Variants in ABCA12 observed in about 807,000 individuals in gnomAD.
The protein encoded by ABCA12 is glucosylceramide transporter ABCA12.
A neutral mutation model predicts 293.5 loss-of-function variants in ABCA12; 156 were observed. The observed-to-expected ratio is 0.53, with a 90% CI of 0.47 to 0.61. The LOEUF (loss-of-function observed/expected upper bound fraction) is 0.61. Among genes scored for constraint, ABCA12 ranks in the 20% least tolerant of loss-of-function variants. ABCA12 has a pLI of 0.00. For synonymous variants in ABCA12, 1,063 were observed against 1,108.0 expected, an observed-to-expected ratio of 0.96 and a Z score of 0.81; for missense variants, 2,797 against 3,090.2, an observed-to-expected ratio of 0.91 and a Z score of 2.25.
rs1339382022 is a variant in ABCA12 at position 214,998,350 on chromosome 2, G to T, written c.3180-541C>A. Among the ~76,000 whole-genome samples, 4 of 152,262 alleles carry T rather than the reference G, an allele frequency of 2.6e-5. No homozygotes were observed. In the East Asian group the frequency reaches 7.7e-4, roughly 29 times the overall value. ...TTGTTTGTTTTTTAGTAGAGATGGG[G>T]TTTCACCATGCTGGCCAGGCTGGTC... is the stretch of plus-strand genomic sequence containing the variant. On this transcript the variant is annotated intron_variant, in intron 22 of 52. Coordinates refer to ENST00000272895, the MANE Select transcript of ABCA12 (RefSeq NM_173076.3).
intron 2 of ABCA12, among the ~76,000 whole-genome samples, chr2:215,067,079 T>G (rs973739285): frequency 1.3e-5 from 2 of 152,100 alleles, no homozygotes; most frequent in Admixed American, 1.3e-4. Context: ...AAAAATGATA[T>G]TTTTTCCATT....
chr2:215,058,896 T>C (rs1701474086), intron 3 of ABCA12, among the ~76,000 whole-genome samples: 3 of 152,058 alleles, frequency 2.0e-5, no homozygotes, highest in Admixed American at 2.0e-4. Flanking sequence ...TGTCTACCAA[T>C]AGTTACGTTC....
At chr2:214,982,128 T>A in intron 30 of ABCA12, 59 bp downstream of exon 30, 1 of 1,586,676 alleles carries the variant, frequency 6.3e-7, no homozygotes, top group African/African-American at 1.3e-5. Context: ...TGCTTTTGTA[T>A]ATGCCAGAGG....
intron 1 of ABCA12, among the ~76,000 whole-genome samples, chr2:215,112,486 G>GT (rs112479616): frequency 1.9e-4 from 20 of 107,586 alleles, no homozygotes; most frequent in African/African-American, 7.9e-4. Flanking sequence ...GGTTTTTTTT[G>GT]TTTTTTTTTT....
At chr2:214,943,945 A>T (rs1389221493) in intron 49 of ABCA12, among the ~76,000 whole-genome samples, 1 of 152,234 alleles carries the variant, frequency 6.6e-6, no homozygotes, top group Non-Finnish European at 1.5e-5. Context: ...TATAATGCAA[A>T]CATAAACTTA....
intron 18 of ABCA12, among the ~76,000 whole-genome samples, chr2:215,008,382 A>T (rs531901927): frequency 6.6e-6 from 1 of 152,140 alleles, no homozygotes; most frequent in African/African-American, 2.4e-5. Flanking sequence ...TACATTGTTT[A>T]TATTAGCAAG....
intron 1 of ABCA12, among the ~76,000 whole-genome samples, chr2:215,131,294 G>T (rs2177420): frequency 0.041 from 6,246 of 151,868 alleles, 172 homozygotes; most frequent in African/African-American, 0.059. Context: ...TTTTGGAATA[G>T]TTTCACCAAG....
intron 8 of ABCA12, 80 bp from the exon 9 acceptor site, chr2:215,031,976 G>C (rs754420308): frequency 6.2e-7 from 1 of 1,601,168 alleles, no homozygotes; most frequent in African/African-American, 1.3e-5. Flanking sequence ...ACCATCCCAG[G>C]TCAAATTAAT....
At chr2:214,990,200 A>C (rs1699881834) in intron 24 of ABCA12, among the ~76,000 whole-genome samples, 1 of 152,230 alleles carries the variant, frequency 6.6e-6, no homozygotes, top group Non-Finnish European at 1.5e-5. Flanking sequence ...AATTTCAGTC[A>C]GTAATCTTAA....
rs964809527 is a variant in ABCA12, at chr2:215,050,750, G to A, written c.508-939C>T. On this transcript the variant is annotated intron_variant, in intron 5 of 52. Coordinates refer to ENST00000272895, the MANE Select transcript of ABCA12 (RefSeq NM_173076.3). ...TGTACTATAAGTGTTAGGCCTTCTAGTCATTCATCCGTATCTCTCTTCTAA... is the reference window on the plus strand; with the variant it reads ...TGTACTATAAGTGTTAGGCCTTCTAATCATTCATCCGTATCTCTCTTCTAA... 15 of 976,670 alleles carry A rather than the reference G, an allele frequency of 1.5e-5. No homozygotes were observed. In the African/African-American group the frequency reaches 2.5e-4, roughly 16 times the overall value. The allele number at this position is 976,670 out of a possible 1,614,324, so 60.5% of individuals were successfully genotyped here.
chr2:215,032,736 T>C (rs895321569), intron 8 of ABCA12: 6 of 152,260 alleles, frequency 3.9e-5, no homozygotes, highest in African/African-American at 1.4e-4. Context: ...ATTTCCCTTC[T>C]CTTCAGACTC....
intron 1 of ABCA12, among the ~76,000 whole-genome samples, chr2:215,128,575 G>A (rs998506892): frequency 7.0e-6 from 1 of 142,696 alleles, no homozygotes; most frequent in African/African-American, 2.8e-5. Context: ...CTTTCTTCTT[G>A]TTCAATTCCA....
In ABCA12 at chr2:214,932,657, G is replaced by A; in HGVS notation, c.7765C>T (p.Gln2589Ter). Residue 2589 changes from glutamine to a stop codon, truncating the protein, a stop_gained, in exon 53 of 53, where the codon CAA becomes TAA. Transcript: ENST00000272895. LOFTEE classifies it high-confidence loss of function. ...TGTTAAGACTCCATCTGGTCATCTTGTGAGTCAACACTTATAGTGGAACCT... is the reference window on the plus strand; with the variant it reads ...TGTTAAGACTCCATCTGGTCATCTTATGAGTCAACACTTATAGTGGAACCT... ...SQGSTISVDS[Q>*]DDQMES is the part of the protein sequence containing the mutation. 6.2e-7 allele frequency: 1 copy of A among 1,613,282 alleles called. No individual in the cohort carries two copies. Among genetic ancestry groups the A allele is most frequent in the Non-Finnish European group, 8.5e-7 (1 of 1,179,490 alleles).
intron 1 of ABCA12, among the ~76,000 whole-genome samples, chr2:215,124,415 T>G (rs1184482789): frequency 6.6e-6 from 1 of 152,244 alleles, no homozygotes; most frequent in Non-Finnish European, 1.5e-5. Context: ...TGTACTAGTT[T>G]ACATTCCCAC....
At chr2:215,010,570 A>ACATGC (rs749112012) in intron 17 of ABCA12, 100 bp from the exon 18 acceptor site, 21 of 1,317,048 alleles carry the variant, frequency 1.6e-5, no homozygotes, top group Non-Finnish European at 2.1e-5. Context: ...ACCCAAAAAT[A>ACATGC]CATGCTCTAG....
At chr2:215,030,860 T>C (rs576258147) in intron 9 of ABCA12, among the ~76,000 whole-genome samples, 2 of 152,296 alleles carry the variant, frequency 1.3e-5, no homozygotes, top group East Asian at 3.9e-4. Flanking sequence ...AAGAAAAAAA[T>C]TGGTTAAACC....
intron 40 of ABCA12, among the ~76,000 whole-genome samples, chr2:214,958,655 T>G (rs1295605219): frequency 6.6e-6 from 1 of 152,200 alleles, no homozygotes; most frequent in East Asian, 1.9e-4. Flanking sequence ...CTAGTGCATC[T>G]GAATTGACTA....
At chr2:214,957,592 T>C (rs1698988896) in intron 41 of ABCA12, among the ~76,000 whole-genome samples, 1 of 152,196 alleles carries the variant, frequency 6.6e-6, no homozygotes, top group Non-Finnish European at 1.5e-5. Context: ...AGTTAATTAC[T>C]CTCCAACCCT....
chr2:214,980,633 G>A lies in ABCA12; in HGVS notation c.4590C>T (p.Ile1530=). 1 of 1,614,076 alleles carries A rather than the reference G, an allele frequency of 6.2e-7. No homozygotes were observed. The highest frequency in any genetic ancestry group is 8.5e-7 in the Non-Finnish European group (1 of 1,179,974). Residue 1530 remains isoleucine (I), a synonymous_variant, in exon 31 of 53, where the codon ATC becomes ATT. Transcript: ENST00000272895. ...VISKNKTART[I]ILSTHHLDEA... is the part of the protein sequence containing the mutation. Reference sequence around the variant, plus strand: ...CGTCCAAGTGGTGCGTTGACAGAATGATTGTTCTGGCTTGAAAATACAGAC... The same window carrying A: ...CGTCCAAGTGGTGCGTTGACAGAATAATTGTTCTGGCTTGAAAATACAGAC...
Sources: gnomAD v4.1 joint callset for allele counts (sites outside exome capture counted in the v4.1 genomes callset) on GRCh38, gnomAD v4.1.1 for gene constraint, MANE v1.5 for transcripts, NCBI Gene and HGNC (gene_info 2026-07-23, HGNC 2026-07-21) for gene names.